PARP9: variants seen among roughly 807,000 people sequenced by gnomAD.
PARP9 encodes poly(ADP-ribose) polymerase family member 9.
In PARP9, 48 loss-of-function variants were observed where a neutral mutation model predicts 68.8. The observed-to-expected ratio is 0.70, with a 90% CI of 0.55 to 0.89. The LOEUF (loss-of-function observed/expected upper bound fraction) is 0.89, where lower values mean the gene tolerates loss of function less well. Ranked by LOEUF, PARP9 falls within the 40% of genes least tolerant of loss-of-function variation. PARP9 has a pLI of 0.00. For synonymous variants in PARP9, 309 were observed against 333.8 expected (o/e 0.93, Z 0.81); for missense variants, 806 against 969.3 (o/e 0.83, Z 2.24).
intron 7 of PARP9, among the ~76,000 whole-genome samples, chr3:122,541,840 G>A (rs959141814): frequency 2.6e-5 from 4 of 152,192 alleles, no homozygotes; most frequent in African/African-American, 9.7e-5. Flanking sequence ...TGACTCCAGT[G>A]CTCCCACATA....
chr3:122,536,363 G>C, intron 9 of PARP9, 21 bp from the exon 10 acceptor site: 1 of 1,606,884 alleles, frequency 6.2e-7, no homozygotes, highest in South Asian at 1.1e-5. Flanking sequence ...AGAAAAGAAA[G>C]ACTGAAAAAG....
At position 122,536,157 on chromosome 3, in the gene PARP9, T is replaced by A. The variant is rs370408322; in HGVS notation, c.2080+11A>T. The A allele has an allele frequency of 1.2e-6, 2 of 1,614,044 alleles. No individual in the cohort carries two copies. Among genetic ancestry groups the A allele is most frequent in the African/African-American group, 2.7e-5 (2 of 74,924 alleles). Reference sequence around the variant, plus strand: ...ACAGAGTAGCCCCAATGATGAGGCATTGACACCTACCGCAAGGTGTCGAGT... The same window carrying A: ...ACAGAGTAGCCCCAATGATGAGGCAATGACACCTACCGCAAGGTGTCGAGT... On this transcript the variant is annotated intron_variant, in intron 10 of 10. Coordinates refer to ENST00000682323, the MANE Select transcript of PARP9 (RefSeq NM_001146105.2).
chr3:122,545,715 C>T (rs1422601178), intron 6 of PARP9: 1 of 538,148 alleles, frequency 1.9e-6, no homozygotes, highest in Non-Finnish European at 3.3e-6. Context: ...AAATCAAAAT[C>T]TGGTATAAAT....
intron 6 of PARP9, chr3:122,545,790 T>C (rs2078659489): frequency 3.0e-6 from 1 of 329,314 alleles, no homozygotes; most frequent in African/African-American, 2.1e-5. Flanking sequence ...TTTAATGCCC[T>C]GCTTGTGCTA....
chr3:122,553,736 T>C (rs925862645), intron 4 of PARP9, among the ~76,000 whole-genome samples: 1 of 152,160 alleles, frequency 6.6e-6, no homozygotes, highest in Non-Finnish European at 1.5e-5. Flanking sequence ...GAGTCTTAAG[T>C]GTGACATCAC....
intron 7 of PARP9, among the ~76,000 whole-genome samples, chr3:122,544,547 T>C (rs2078538332): frequency 6.6e-6 from 1 of 152,108 alleles, no homozygotes; most frequent in Non-Finnish European, 1.5e-5. Flanking sequence ...AAAAGAATGA[T>C]GTTATATGCC....
Position 122,538,732 on chromosome 3 carries a change from T to C in PARP9, c.1766-1659A>G, listed in dbSNP as rs1276398940. On this transcript the variant is annotated intron_variant, in intron 8 of 10. Transcript: ENST00000682323. ...TGCCACAAGTTTTATAGGAGATCCA[T>C]GTTTCTTTGTATCCTGTTCCCCTAA... Among the ~76,000 whole-genome samples, 3 of 152,106 alleles carry C rather than the reference T, an allele frequency of 2.0e-5. No individual in the cohort carries two copies. In the East Asian group the frequency reaches 5.8e-4, roughly 29 times the overall value.
chr3:122,555,165 G>T, intron 4 of PARP9, 121 bp downstream of exon 4: 1 of 1,019,680 alleles, frequency 9.8e-7, no homozygotes, highest in Non-Finnish European at 1.4e-6. Flanking sequence ...ACTGCATCTG[G>T]CTCATATTCT....
chr3:122,544,280 T>C (rs2107637854), intron 7 of PARP9, among the ~76,000 whole-genome samples: 1 of 152,328 alleles, frequency 6.6e-6, no homozygotes, highest in South Asian at 2.1e-4. Context: ...TTTCTCCCCT[T>C]AGCTAACTGG....
chr3:122,536,052 C>G, intron 10 of PARP9, 116 bp downstream of exon 10: 2 of 1,579,554 alleles, frequency 1.3e-6, no homozygotes, highest in Non-Finnish European at 1.7e-6. Context: ...ACCTCTAAAT[C>G]ACAGTCACAA....
At chr3:122,537,483 C>T (rs1010981923) in intron 8 of PARP9, among the ~76,000 whole-genome samples, 3 of 152,140 alleles carry the variant, frequency 2.0e-5, no homozygotes, top group Non-Finnish European at 1.5e-5. Context: ...ATTTGTAAAA[C>T]ACTTCAAAAT....
Position 122,552,541 on chromosome 3 carries a change from T to C in PARP9, c.984A>G (p.Glu328=), listed in dbSNP as rs1488791967. The C allele has an allele frequency of 6.2e-7, 1 of 1,613,994 alleles. No homozygotes were observed. The highest frequency in any genetic ancestry group is 1.3e-5 in the African/African-American group (1 of 74,916). The change falls in exon 5 of 11, where the codon GAA becomes GAG. Residue 328 remains glutamate, a synonymous_variant. Coordinates refer to ENST00000682323, the MANE Select transcript of PARP9 (RefSeq NM_001146105.2). ...ACTGTTTAGCCTTTGTGGCAAGAAA[T>C]TCCGATTTCATTTCAACTCCTGCTT... is the stretch of plus-strand genomic sequence containing the variant. ...LQQAGVEMKS[E]FLATKAKQFQ... is the part of the protein sequence containing the mutation.
At chr3:122,558,842 C>G (rs1325759271) in intron 2 of PARP9, among the ~76,000 whole-genome samples, 2 of 152,174 alleles carry the variant, frequency 1.3e-5, no homozygotes, top group Non-Finnish European at 2.9e-5. Context: ...TCCTGAATAG[C>G]TGGGACTACA....
rs1249617598 is a variant in PARP9 at position 122,555,846 on chromosome 3, G to T, written c.325C>A (p.Leu109Met). 6 of 1,614,056 alleles carry T rather than the reference G, an allele frequency of 3.7e-6. No homozygotes were observed. Among genetic ancestry groups the T allele is most frequent in the Non-Finnish European group, 5.1e-6 (6 of 1,180,016 alleles). The change falls in exon 4 of 11, where the codon CTG (leucine) becomes ATG (methionine). Residue 109 changes from leucine to methionine, a missense_variant. Around this residue, in one of 2 missense-constraint regions of PARP9, gnomAD observed 680 missense variants for 858.8 expected, o/e 0.79. Transcript: ENST00000682323. ...AVVNAANEDL[L>M]HGGGLALALV... ...GCCAGGGCCAGGCCTCCCCCATGCA[G>T]AAGATCTTCATTGGCTGCATTCACC... is the stretch of plus-strand genomic sequence containing the variant.
chr3:122,540,563 G>A lies in PARP9; in HGVS notation c.1674C>T (p.Leu558=). 1 of 1,614,170 alleles carries A rather than the reference G, an allele frequency of 6.2e-7. No individual in the cohort carries two copies. The highest frequency in any genetic ancestry group is 8.5e-7 in the Non-Finnish European group (1 of 1,180,032). Residue 558 remains leucine, a synonymous_variant, in exon 8 of 11, where the codon CTC becomes CTT. Transcript: ENST00000682323. ...ELEIEGARAD[L]IEVVMNIEDM... ...CTTCAATGTTCATAACCACCTCAAT[G>A]AGGTCAGCCCGGGCTCCTTCAATCT...
At position 122,532,564 on chromosome 3, in the gene PARP9, A is replaced by T. The variant is rs533117273; in HGVS notation, c.2080+3604T>A. 24 of 375,958 alleles carry T rather than the reference A, an allele frequency of 6.4e-5. No individual in the cohort carries two copies. The South Asian group carries it at 2.5e-3, about 39-fold the overall frequency. 23.3% of individuals were successfully genotyped at this position (375,958 alleles called of 1,614,324 possible). ...GTCATGGGGAACGTGAGAGTTGGGT[A>T]AAGTTCCATTATAGAGCCATAAAGG... On this transcript the variant is annotated intron_variant, in intron 10 of 10. Transcript: ENST00000682323.
chr3:122,546,302 T>G (rs945875784), intron 6 of PARP9, among the ~76,000 whole-genome samples: 1 of 152,254 alleles, frequency 6.6e-6, no homozygotes, highest in Non-Finnish European at 1.5e-5. Flanking sequence ...TAAGATGCTC[T>G]TTCATGATGC....
chr3:122,558,507 G>A (rs765341895), intron 2 of PARP9, 40 bp from the exon 3 acceptor site: 106 of 1,609,806 alleles, frequency 6.6e-5, no homozygotes, highest in Non-Finnish European at 8.0e-5. Context: ...AAATGGAAGT[G>A]GAATGACTAC....
chr3:122,548,671 G>A (rs1369975370), intron 6 of PARP9, among the ~76,000 whole-genome samples: 2 of 152,116 alleles, frequency 1.3e-5, no homozygotes, highest in African/African-American at 4.8e-5. Flanking sequence ...AGCTTGATCT[G>A]TCCACCCAAA....
Sources: allele counts gnomAD v4.1 joint callset (sites outside exome capture counted in the v4.1 genomes callset), GRCh38; gene constraint gnomAD v4.1.1; regional missense constraint gnomAD v4.1.1; transcripts MANE v1.5; gene names NCBI Gene and HGNC (gene_info 2026-07-23, HGNC 2026-07-21).